TMEM233: variants seen among roughly 807,000 people sequenced by gnomAD.
TMEM233 encodes the protein transmembrane protein 233, also known as dispanin subfamily B member 2.
TMEM233 carries 6 observed loss-of-function variants against 11.2 expected under a neutral mutation model. The ratio of observed to expected loss-of-function variants is 0.54; its 90% CI spans 0.29 to 1.06. TMEM233 has a LOEUF of 1.06. Ranked by LOEUF, TMEM233 falls within the 50% of genes least tolerant of loss-of-function variation. The pLI is 0.08. For missense variants in TMEM233, 127 were observed against 144.7 expected, an observed-to-expected ratio of 0.88 and a Z score of 0.63; for synonymous variants, 59 against 55.8, an observed-to-expected ratio of 1.06 and a Z score of -0.26.
rs138112082 is a variant in TMEM233, at chr12:119,639,188, G to A, written c.324-1511G>A. On this transcript the variant is annotated intron_variant, in intron 2 of 2. Coordinates refer to ENST00000426426, the MANE Select transcript of TMEM233 (RefSeq NM_001136534.3). The stretch of plus-strand genomic sequence containing the variant: ...CATTAGCAAAGAGACTATCCCTTTA[G>A]CCAGTTTTACTTCTCTTCCTTACTA... 3.6e-3 allele frequency among the ~76,000 whole-genome samples: 542 copies of A among 152,144 alleles called. 3 individuals carry two copies. Among genetic ancestry groups the A allele is most frequent in the African/African-American group, 0.012 (505 of 41,496 alleles).
At position 119,629,927 on chromosome 12, in the gene TMEM233, G is replaced by A. The variant is rs571468188; in HGVS notation, c.323+55G>A. The A allele has an allele frequency of 1.0e-3, 1,559 of 1,513,414 alleles. 4 individuals carry two copies. The highest frequency in any genetic ancestry group is 8.1e-3 in the Middle Eastern group (47 of 5,816). The allele number at this position is 1,513,414 out of a possible 1,614,324, so 93.7% of individuals were successfully genotyped here. A position where few individuals can be genotyped will look rare whatever the true frequency, so the allele number is the denominator to read the frequency against. On this transcript the variant is annotated intron_variant, in intron 2 of 2. Coordinates refer to ENST00000426426, the MANE Select transcript of TMEM233 (RefSeq NM_001136534.3). ...GTCAAACGCCCTTTCTCGAACGCCCGTTGGAATCTGTTAGGGTAGATTAGG... is the reference window on the plus strand; with the variant it reads ...GTCAAACGCCCTTTCTCGAACGCCCATTGGAATCTGTTAGGGTAGATTAGG...
At chr12:119,632,926 A>C (rs1264752720) in intron 2 of TMEM233, among the ~76,000 whole-genome samples, 2 of 152,308 alleles carry the variant, frequency 1.3e-5, no homozygotes, top group South Asian at 2.1e-4. Context: ...CCATCCAAGA[A>C]GTGTTGGAAG....
At chr12:119,607,692 C>T (rs1414491906) in intron 1 of TMEM233, among the ~76,000 whole-genome samples, 5 of 151,846 alleles carry the variant, frequency 3.3e-5, no homozygotes, top group African/African-American at 1.2e-4. Context: ...CACTGCAGCC[C>T]CCACCTCCCG....
At chr12:119,615,249 T>C (rs1954502649) in intron 1 of TMEM233, among the ~76,000 whole-genome samples, 1 of 151,208 alleles carries the variant, frequency 6.6e-6, no homozygotes, top group Non-Finnish European at 1.5e-5. Context: ...TAATATTCTG[T>C]ATTCATCTTA....
chr12:119,630,461 T>C (rs375176637), intron 2 of TMEM233, among the ~76,000 whole-genome samples: 29 of 152,368 alleles, frequency 1.9e-4, no homozygotes, highest in African/African-American at 6.3e-4. Flanking sequence ...GCAGGCCATA[T>C]GGTCCCGATC....
chr12:119,626,331 G>A (rs1047902476), intron 1 of TMEM233, among the ~76,000 whole-genome samples: 1 of 151,864 alleles, frequency 6.6e-6, no homozygotes, highest in South Asian at 2.1e-4. Flanking sequence ...TTTGCCACGC[G>A]TGGTGGCAGG....
intron 2 of TMEM233, among the ~76,000 whole-genome samples, chr12:119,632,580 C>G (rs1165428719): frequency 6.6e-6 from 1 of 152,236 alleles, no homozygotes; most frequent in Middle Eastern, 3.4e-3. Context: ...GAAGGACATA[C>G]ATGAGGTAGC....
intron 1 of TMEM233, among the ~76,000 whole-genome samples, chr12:119,604,800 T>TTTTTTAATTAA (rs1374565995): frequency 6.6e-6 from 1 of 152,024 alleles, no homozygotes; most frequent in East Asian, 1.9e-4. Context: ...GCCTGGCTAA[T>TTTTTTAATTAA]TTTTTAATTA....
intron 1 of TMEM233, among the ~76,000 whole-genome samples, chr12:119,623,512 A>G (rs1182167068): frequency 6.6e-6 from 1 of 150,744 alleles, no homozygotes; most frequent in Non-Finnish European, 1.5e-5. Flanking sequence ...GTTTGACACC[A>G]GCCTGGACAA....
intron 1 of TMEM233, among the ~76,000 whole-genome samples, chr12:119,598,818 T>C (rs1170346079): frequency 6.6e-6 from 1 of 152,048 alleles, no homozygotes; most frequent in African/African-American, 2.4e-5. Context: ...TAAATGGGGG[T>C]TGTGATAGTA....
chr12:119,615,173 T>TA lies in TMEM233; in HGVS notation c.187-14530dup, dbSNP rs60318959. On this transcript the variant is annotated intron_variant, in intron 1 of 2. Coordinates refer to ENST00000426426, the MANE Select transcript of TMEM233 (RefSeq NM_001136534.3). Reference sequence around the variant, plus strand: ...AGGTCTCAGTCTACCCGCTTTCTGCTAAAAAAAAAAAAAAAAAAAAAAAAA... The same window carrying TA: ...AGGTCTCAGTCTACCCGCTTTCTGCTAAAAAAAAAAAAAAAAAAAAAAAAAA... Among the ~76,000 whole-genome samples, 205 of 56,198 alleles carry TA rather than the reference T, an allele frequency of 3.6e-3. 3 individuals are homozygous for TA. The highest frequency in any genetic ancestry group is 5.3e-3 in the Non-Finnish European group (172 of 32,630). 36.9% of individuals were successfully genotyped at this position (56,198 alleles called of 152,430 possible).
In TMEM233 at chr12:119,597,924, C is replaced by T. The variant is rs117243154; in HGVS notation, c.186+3890C>T. 1.4e-4 allele frequency among the ~76,000 whole-genome samples: 22 copies of T among 152,284 alleles called. No individual in the cohort carries two copies. The East Asian group carries it at 4.1e-3, about 28-fold the overall frequency. On this transcript the variant is annotated intron_variant, in intron 1 of 2. Transcript: ENST00000426426. The stretch of plus-strand genomic sequence containing the variant: ...TCGTTGTGTGAATTTGAATATGGCA[C>T]ATTTTCTCCATGCAGACACAGCCCT...
At chr12:119,603,909 C>T (rs1192727998) in intron 1 of TMEM233, among the ~76,000 whole-genome samples, 1 of 152,190 alleles carries the variant, frequency 6.6e-6, no homozygotes, top group Non-Finnish European at 1.5e-5. Context: ...GCATTCCTGC[C>T]AAAACCTTTT....
intron 1 of TMEM233, among the ~76,000 whole-genome samples, chr12:119,609,193 G>A (rs1246015150): frequency 5.9e-5 from 9 of 152,166 alleles, no homozygotes; most frequent in Non-Finnish European, 2.9e-5. Flanking sequence ...CTGGAGTAAA[G>A]GTCACTCTTG....
intron 1 of TMEM233, among the ~76,000 whole-genome samples, chr12:119,623,125 G>A (rs753075456): frequency 6.6e-6 from 1 of 152,296 alleles, no homozygotes; most frequent in East Asian, 1.9e-4. Flanking sequence ...GCAATGCACA[G>A]GTGATAGATG....
At chr12:119,616,077 C>G (rs1452698433) in intron 1 of TMEM233, among the ~76,000 whole-genome samples, 3 of 152,192 alleles carry the variant, frequency 2.0e-5, no homozygotes, top group Non-Finnish European at 2.9e-5. Flanking sequence ...GCTGCAGTGA[C>G]CATGAGATCA....
chr12:119,598,306 CT>C (rs1299008618), intron 1 of TMEM233, among the ~76,000 whole-genome samples: 1 of 152,170 alleles, frequency 6.6e-6, no homozygotes, highest in African/African-American at 2.4e-5. Context: ...CTGGAATTTG[CT>C]ACCTGACTCA....
At chr12:119,624,177 C>A (rs931011826) in intron 1 of TMEM233, among the ~76,000 whole-genome samples, 3 of 151,504 alleles carry the variant, frequency 2.0e-5, no homozygotes, top group African/African-American at 7.3e-5. Context: ...TGGCAAAACC[C>A]CATCTCTACC....
chr12:119,610,193 T>A (rs1269700993), intron 1 of TMEM233, among the ~76,000 whole-genome samples: 1 of 152,174 alleles, frequency 6.6e-6, no homozygotes. Context: ...TGGACTTGCA[T>A]CCTTTGTTTT....
Sources: gnomAD v4.1 joint callset for allele counts (sites outside exome capture counted in the v4.1 genomes callset) on GRCh38, gnomAD v4.1.1 for gene constraint, MANE v1.5 for transcripts, NCBI Gene and HGNC (gene_info 2026-07-23, HGNC 2026-07-21) for gene names.